Variants in DLG2 observed in about 807,000 individuals in gnomAD.
DLG2 encodes disks large homolog 2.
A neutral mutation model predicts 132.5 loss-of-function variants in DLG2; 45 were observed. The ratio of observed to expected loss-of-function variants is 0.34; its 90% CI spans 0.27 to 0.44. The LOEUF (loss-of-function observed/expected upper bound fraction) is 0.44. DLG2 is among the 20% of genes least tolerant of loss of function. The pLI is 1.00. For synonymous variants in DLG2, 424 were observed against 419.6 expected, an observed-to-expected ratio of 1.01 and a Z score of -0.13; for missense variants, 1,045 against 1,196.9, an observed-to-expected ratio of 0.87 and a Z score of 1.87.
At chr11:83,952,713 C>T (rs11233850) in intron 14 of DLG2, among the ~76,000 whole-genome samples, 15,301 of 151,954 alleles carry the variant, frequency 0.1, 849 homozygotes, top group Non-Finnish European at 0.12. Flanking sequence ...TCTCTCATTG[C>T]ACATAGTATG....
At chr11:84,865,331 T>C (rs1057405345) in intron 6 of DLG2, among the ~76,000 whole-genome samples, 2 of 152,282 alleles carry the variant, frequency 1.3e-5, no homozygotes, top group East Asian at 3.9e-4. Flanking sequence ...TCCAACACTG[T>C]TGTAGGTTAT....
At chr11:84,868,011 T>C (rs934296342) in intron 6 of DLG2, among the ~76,000 whole-genome samples, 1 of 151,656 alleles carries the variant, frequency 6.6e-6, no homozygotes, top group African/African-American at 2.4e-5. Context: ...GCGGCGGAGC[T>C]TGCAGTGAGC....
intron 6 of DLG2, among the ~76,000 whole-genome samples, chr11:84,898,278 T>G (rs1199566117): frequency 6.6e-6 from 1 of 151,972 alleles, no homozygotes; most frequent in Non-Finnish European, 1.5e-5. Flanking sequence ...AATAGTCATT[T>G]TGCTTGAATA....
intron 3 of DLG2, among the ~76,000 whole-genome samples, chr11:85,405,186 C>T (rs923439742): frequency 1.1e-4 from 17 of 151,916 alleles, no homozygotes; most frequent in African/African-American, 4.1e-4. Context: ...CTGCCCCTTG[C>T]ATGCTAGATT....
intron 7 of DLG2, among the ~76,000 whole-genome samples, chr11:84,456,458 T>C (rs2099065572): frequency 2.0e-5 from 3 of 151,370 alleles, no homozygotes; most frequent in African/African-American, 7.3e-5. Flanking sequence ...AGGAAGTTCA[T>C]ACCTCATCAC....
chr11:85,395,282 T>G (rs959610999), intron 3 of DLG2, among the ~76,000 whole-genome samples: 3 of 152,200 alleles, frequency 2.0e-5, no homozygotes, highest in Admixed American at 2.0e-4. Flanking sequence ...TAAGAAGCAG[T>G]TGCTTCCAGG....
chr11:84,951,520 T>C (rs1022759029), intron 6 of DLG2, among the ~76,000 whole-genome samples: 2 of 152,018 alleles, frequency 1.3e-5, no homozygotes, highest in African/African-American at 4.8e-5. Context: ...TCTTCTCTTT[T>C]ATAAATACCG....
intron 5 of DLG2, among the ~76,000 whole-genome samples, chr11:85,126,242 T>C (rs1253559135): frequency 6.6e-6 from 1 of 152,100 alleles, no homozygotes; most frequent in Admixed American, 6.5e-5. Context: ...GAGTGTAAAA[T>C]ACAAGGTATA....
At chr11:84,452,479 C>G (rs1410092009) in intron 7 of DLG2, among the ~76,000 whole-genome samples, 1 of 151,638 alleles carries the variant, frequency 6.6e-6, no homozygotes, top group African/African-American at 2.4e-5. Flanking sequence ...GGGATCAAGG[C>G]TTGGAGCAGG....
At chr11:85,074,278 G>A (rs1298611878) in intron 6 of DLG2, among the ~76,000 whole-genome samples, 1 of 151,714 alleles carries the variant, frequency 6.6e-6, no homozygotes, top group Non-Finnish European at 1.5e-5. Flanking sequence ...AGTCCCCTTG[G>A]GATTGAATCT....
intron 18 of DLG2, among the ~76,000 whole-genome samples, chr11:83,753,830 TATATG>T (rs2093481894): frequency 1.3e-4 from 2 of 15,676 alleles, no homozygotes; most frequent in Non-Finnish European, 2.0e-4. Context: ...ATTTCATATA[TATATG>T]ATATATATCA....
At chr11:85,138,606 C>T (rs906703006) in intron 5 of DLG2, among the ~76,000 whole-genome samples, 34 of 152,264 alleles carry the variant, frequency 2.2e-4, no homozygotes, top group African/African-American at 7.2e-4. Flanking sequence ...AGAATTCCCA[C>T]GTCGTGGGAG....
intron 3 of DLG2, among the ~76,000 whole-genome samples, chr11:85,451,698 C>G (rs1416746282): frequency 2.0e-5 from 3 of 152,074 alleles, no homozygotes; most frequent in South Asian, 2.1e-4. Flanking sequence ...AGCACAGTAC[C>G]TAGCCCACAG....
At chr11:84,172,901 C>T (rs60581621) in intron 8 of DLG2, among the ~76,000 whole-genome samples, 3,527 of 152,052 alleles carry the variant, frequency 0.023, 117 homozygotes, top group African/African-American at 0.078. Flanking sequence ...TTATAACACA[C>T]GCAACTTTGG....
rs182043672 is a variant in DLG2, at chr11:84,302,136, G to T, written c.520-50845C>A. Among the ~76,000 whole-genome samples, 257 of 152,208 alleles carry T rather than the reference G, an allele frequency of 1.7e-3. 1 individual carries two copies. The highest frequency in any genetic ancestry group is 6.1e-3 in the African/African-American group (254 of 41,520). ...CGCCACATGTTCTCACTCATAAGTGGGAGCTGAACAATGAGAACACATGGA... is the reference window on the plus strand; with the variant it reads ...CGCCACATGTTCTCACTCATAAGTGTGAGCTGAACAATGAGAACACATGGA... On this transcript the variant is annotated intron_variant, in intron 7 of 27. Coordinates refer to ENST00000376104, the MANE Select transcript of DLG2 (RefSeq NM_001142699.3).
intron 3 of DLG2, among the ~76,000 whole-genome samples, chr11:85,412,307 C>T (rs1306184429): frequency 6.6e-6 from 1 of 151,766 alleles, no homozygotes; most frequent in Admixed American, 6.6e-5. Flanking sequence ...TGAGGAAGAA[C>T]AGCCCTAGGA....
Position 84,031,862 on chromosome 11 carries a change from C to T in DLG2, c.919+27453G>A, listed in dbSNP as rs140025877. Among the ~76,000 whole-genome samples, 45 of 152,232 alleles carry T rather than the reference C, an allele frequency of 3.0e-4. No homozygotes were observed. In the East Asian group the frequency reaches 4.6e-3, roughly 16 times the overall value. ...TTTCCAACAGTGTGTGTTCACTTCA[C>T]GTCGTGTGTCACATTTTTTTTGGTA... On this transcript the variant is annotated intron_variant, in intron 11 of 27. Coordinates refer to ENST00000376104, the MANE Select transcript of DLG2 (RefSeq NM_001142699.3).
At chr11:83,469,900 C>T (rs1186916663) in intron 24 of DLG2, among the ~76,000 whole-genome samples, 1 of 152,118 alleles carries the variant, frequency 6.6e-6, no homozygotes, top group Non-Finnish European at 1.5e-5. Context: ...AAAATTCAGA[C>T]TCTCAACATA....
chr11:84,692,295 A>G (rs1272072332), intron 6 of DLG2, among the ~76,000 whole-genome samples: 1 of 151,786 alleles, frequency 6.6e-6, no homozygotes, highest in Non-Finnish European at 1.5e-5. Context: ...TTTTCAAGCT[A>G]TAAAATTATA....
Sources: gnomAD v4.1 joint callset for allele counts (sites outside exome capture counted in the v4.1 genomes callset) on GRCh38, gnomAD v4.1.1 for gene constraint, MANE v1.5 for transcripts, NCBI Gene and HGNC (gene_info 2026-07-23, HGNC 2026-07-21) for gene names.